The following SHOC2 variants were observed in gnomAD, a reference collection of about 807,000 sequenced individuals.
SHOC2 encodes SHOC2 leucine rich repeat scaffold protein.
In SHOC2, 4 loss-of-function variants were observed where a neutral mutation model predicts 50.2. The ratio of observed to expected loss-of-function variants is 0.08; its 90% confidence interval spans 0.04 to 0.18. The LOEUF is 0.18. SHOC2 is among the 10% of genes least tolerant of loss of function. The pLI is 1.00. For synonymous variants in SHOC2, 218 were observed against 244.5 expected, an observed-to-expected ratio of 0.89 and a Z score of 1.01; for missense variants, 388 against 669.6, an observed-to-expected ratio of 0.58 and a Z score of 4.64.
At chr10:110,953,482 G>A (rs1055450359) in intron 1 of SHOC2, among the ~76,000 whole-genome samples, 3 of 151,982 alleles carry the variant, frequency 2.0e-5, no homozygotes, top group Non-Finnish European at 4.4e-5. Context: ...TTTCATTTTA[G>A]CGCTGATTAA....
chr10:110,933,300 C>T (rs1306825389), intron 1 of SHOC2, among the ~76,000 whole-genome samples: 1 of 151,980 alleles, frequency 6.6e-6, no homozygotes, highest in East Asian at 1.9e-4. Context: ...TGAAAATCAC[C>T]TGTAATTGAA....
chr10:111,008,220 C>T (rs927316924), intron 6 of SHOC2, among the ~76,000 whole-genome samples: 1 of 149,370 alleles, frequency 6.7e-6, no homozygotes, highest in African/African-American at 2.5e-5. Context: ...ATCTTATTTT[C>T]ACCTCTTCAG....
At chr10:110,944,058 A>G (rs1847202553) in intron 1 of SHOC2, among the ~76,000 whole-genome samples, 1 of 152,212 alleles carries the variant, frequency 6.6e-6, no homozygotes, top group African/African-American at 2.4e-5. Context: ...CCTGCCTATT[A>G]TCTCCCTGCT....
At chr10:110,975,251 G>A (rs1340519783) in intron 2 of SHOC2, among the ~76,000 whole-genome samples, 6 of 152,008 alleles carry the variant, frequency 3.9e-5, no homozygotes, top group Admixed American at 3.9e-4. Context: ...CGCCTTCTGG[G>A]TTCACGCCAT....
chr10:111,007,694 A>G (rs763035572), intron 6 of SHOC2, 41 bp downstream of exon 6: 51 of 1,602,848 alleles, frequency 3.2e-5, no homozygotes, highest in South Asian at 2.5e-4. Context: ...AGAACCTTCC[A>G]TACGTATCTC....
chr10:110,932,110 G>C (rs750475279), intron 1 of SHOC2, among the ~76,000 whole-genome samples: 3 of 152,198 alleles, frequency 2.0e-5, no homozygotes, highest in African/African-American at 7.2e-5. Context: ...TTGTAAATCT[G>C]TGTTTCTGGC....
At chr10:110,998,894 A>C (rs771052416) in intron 3 of SHOC2, among the ~76,000 whole-genome samples, 111 of 152,266 alleles carry the variant, frequency 7.3e-4, no homozygotes, top group Non-Finnish European at 1.4e-3. Context: ...ATCATGAGGC[A>C]TAAGGAGTGC....
chr10:110,977,758 A>T lies in SHOC2; in HGVS notation c.704-7870A>T, dbSNP rs905053558. Among the ~76,000 whole-genome samples, 7 of 152,280 alleles carry T rather than the reference A, an allele frequency of 4.6e-5. No homozygotes were observed. In the East Asian group the frequency reaches 7.7e-4, roughly 17 times the overall value. ...TGTCTACATCTAATTTAACCCCACTACTAAGGTAATAAATTTTGATGACTC... is the reference window on the plus strand; with the variant it reads ...TGTCTACATCTAATTTAACCCCACTTCTAAGGTAATAAATTTTGATGACTC... On this transcript the variant is annotated intron_variant, in intron 2 of 8. Coordinates refer to ENST00000369452, the MANE Select transcript of SHOC2 (RefSeq NM_007373.4).
At chr10:110,940,906 G>A (rs996636295) in intron 1 of SHOC2, among the ~76,000 whole-genome samples, 4 of 120,582 alleles carry the variant, frequency 3.3e-5, no homozygotes, top group Non-Finnish European at 6.9e-5. Context: ...GGTATTTGTG[G>A]TGGGTTTTTT....
At chr10:110,995,314 C>T (rs560106763) in intron 3 of SHOC2, among the ~76,000 whole-genome samples, 12 of 152,280 alleles carry the variant, frequency 7.9e-5, no homozygotes, top group South Asian at 2.1e-4. Flanking sequence ...TGCCAACTTA[C>T]GGTGAAAACA....
rs370351651 is a variant in SHOC2 at position 110,965,075 on chromosome 10, G to GATT, written c.703+24_703+26dup. 3 of 1,604,856 alleles carry GATT rather than the reference G, an allele frequency of 1.9e-6. No homozygotes were observed. Among genetic ancestry groups the GATT allele is most frequent in the South Asian group, 2.2e-5 (2 of 90,808 alleles). On this transcript the variant is annotated intron_variant, in intron 2 of 8. Transcript: ENST00000369452. ...CTGCTGAAATTGGTAAGAGGCCTTG[G>GATT]ATTATTATTATTTGTAGTATTTGTT...
At chr10:110,982,331 T>C (rs1258398491) in intron 2 of SHOC2, among the ~76,000 whole-genome samples, 1 of 151,584 alleles carries the variant, frequency 6.6e-6, no homozygotes, top group East Asian at 1.9e-4. Context: ...TGCATGTGTC[T>C]TTATAGCAGC....
Position 110,993,115 on chromosome 10 carries a change from A to T in SHOC2, c.842-7300A>T, listed in dbSNP as rs917359707. Among the ~76,000 whole-genome samples, 5 of 152,230 alleles carry T rather than the reference A, an allele frequency of 3.3e-5. 2 individuals carry two copies. The South Asian group carries it at 1.0e-3, about 31-fold the overall frequency. The stretch of plus-strand genomic sequence containing the variant: ...GTGGAGCACAGAACAATTTGTAGAC[A>T]AAGTTAAGCACTTGAAAGCTAAATG... On this transcript the variant is annotated intron_variant, in intron 3 of 8. Transcript: ENST00000369452.
intron 6 of SHOC2, 132 bp downstream of exon 6, chr10:111,007,785 T>A (rs1420188958): frequency 4.5e-6 from 4 of 888,386 alleles, no homozygotes; most frequent in Non-Finnish European, 5.4e-6. Context: ...CACTTAAACA[T>A]ACAACCCTAA....
intron 2 of SHOC2, among the ~76,000 whole-genome samples, chr10:110,973,358 C>T (rs1382651819): frequency 6.6e-6 from 1 of 152,082 alleles, no homozygotes; most frequent in Non-Finnish European, 1.5e-5. Context: ...CTAAATTACT[C>T]ATTTACCAAT....
chr10:110,995,563 G>A (rs1462830982), intron 3 of SHOC2, among the ~76,000 whole-genome samples: 1 of 152,134 alleles, frequency 6.6e-6, no homozygotes, highest in Non-Finnish European at 1.5e-5. Flanking sequence ...TTGTTGATAG[G>A]GAGCCAACCA....
In SHOC2 at chr10:110,926,042, C is replaced by T. The variant is rs1172376292; in HGVS notation, c.-235+6385C>T. On this transcript the variant is annotated intron_variant, in intron 1 of 8. Transcript: ENST00000369452. ...ATCGGCTTGGTTACTACCTCATGCA[C>T]TCTTCATGTAGCTAAACTCTAATCA... 3.3e-5 allele frequency among the ~76,000 whole-genome samples: 5 copies of T among 152,270 alleles called. No homozygotes were observed. The East Asian group carries it at 9.6e-4, about 29-fold the overall frequency.
chr10:111,003,610 A>G (rs1355127674), intron 4 of SHOC2, among the ~76,000 whole-genome samples: 1 of 152,186 alleles, frequency 6.6e-6, no homozygotes, highest in Non-Finnish European at 1.5e-5. Context: ...GTCACAAGCT[A>G]TTTAAAGATA....
Position 110,939,169 on chromosome 10 carries a change from A to G in SHOC2, c.-235+19512A>G, listed in dbSNP as rs939432480. Among the ~76,000 whole-genome samples the G allele has an allele frequency of 3.9e-5, 6 of 152,110 alleles. No individual in the cohort carries two copies. The East Asian group carries it at 1.2e-3, about 29-fold the overall frequency. ...CTAGGTCACATTGGAACCAAACCCT[A>G]TAACTCCAGATTTTTTTGCTATTTT... On this transcript the variant is annotated intron_variant, in intron 1 of 8. Coordinates refer to ENST00000369452, the MANE Select transcript of SHOC2 (RefSeq NM_007373.4).
Sources: allele counts gnomAD v4.1 joint callset (sites outside exome capture counted in the v4.1 genomes callset), GRCh38; gene constraint gnomAD v4.1.1; transcripts MANE v1.5; gene names NCBI Gene and HGNC (gene_info 2026-07-23, HGNC 2026-07-21).